Variants in SPAG1 observed in about 807,000 individuals in gnomAD.
SPAG1 encodes the protein sperm-associated antigen 1.
In SPAG1, 69 loss-of-function variants were observed where a neutral mutation model predicts 100.5. The ratio of observed to expected loss-of-function variants is 0.69; its 90% CI spans 0.57 to 0.84. SPAG1 has a LOEUF of 0.84. SPAG1 is among the 40% of genes least tolerant of loss of function. The pLI is 0.00. For missense variants in SPAG1, 955 were observed against 1,133.1 expected, an observed-to-expected ratio of 0.84 and a Z score of 2.26; for synonymous variants, 336 against 411.6, an observed-to-expected ratio of 0.82 and a Z score of 2.22.
At chr8:100,190,822 G>A (rs1307607514) in intron 8 of SPAG1, among the ~76,000 whole-genome samples, 1 of 151,626 alleles carries the variant, frequency 6.6e-6, no homozygotes, top group East Asian at 1.9e-4. Flanking sequence ...GTGCTACCAT[G>A]CCAAGCTAAT....
At chr8:100,238,370 G>A (rs767980429) in intron 16 of SPAG1, among the ~76,000 whole-genome samples, 1 of 152,218 alleles carries the variant, frequency 6.6e-6, no homozygotes, top group Non-Finnish European at 1.5e-5. Flanking sequence ...AGGCCCCCGG[G>A]AATGTCACAT....
chr8:100,239,346 A>G lies in SPAG1; in HGVS notation c.2222A>G (p.Lys741Arg). 8.8e-6 allele frequency: 14 copies of G among 1,596,628 alleles called. No individual in the cohort carries two copies. The highest frequency in any genetic ancestry group is 1.2e-5 in the Non-Finnish European group (14 of 1,169,652). ...LEEVTRLLNL[K>R]DKTAPFNKEK... ...GAGGTAACTAGACTCCTTAATCTTA[A>G]GGATAAGACAGCACCATTCAACAAA... The change falls in exon 17 of 19, where the codon AAG becomes AGG. Residue 741 changes from lysine to arginine, a missense_variant. Transcript: ENST00000388798. This position sits in a 1 kb window ranked among gnomAD's most constrained non-coding sequence, Gnocchi z 5.0.
rs1470457504 is a variant in SPAG1 at position 100,158,595 on chromosome 8, G to T, written c.-24G>T. 6.6e-6 allele frequency: 1 copy of T among 152,208 alleles called. No homozygotes were observed. Among genetic ancestry groups the T allele is most frequent in the Non-Finnish European group, 1.5e-5 (1 of 68,064 alleles). 9.4% of individuals were successfully genotyped at this position (152,208 alleles called of 1,614,324 possible). On this transcript the variant is annotated 5_prime_UTR_variant, in exon 1 of 19. Transcript: ENST00000388798. The stretch of plus-strand genomic sequence containing the variant: ...GAGACCCAGCTTTTCGCGTTAGTAG[G>T]CCCGAGCAGTTTGAACTGGAGGTAT...
chr8:100,237,269 C>T (rs10087331), intron 16 of SPAG1, among the ~76,000 whole-genome samples: 4,379 of 152,090 alleles, frequency 0.029, 198 homozygotes, highest in African/African-American at 0.095. Flanking sequence ...TTAGTAGAGA[C>T]GGGGTTTAGC....
Position 100,232,092 on chromosome 8 carries a change from G to A in SPAG1, c.1988+804G>A, listed in dbSNP as rs931235721. Among the ~76,000 whole-genome samples the A allele has an allele frequency of 3.9e-5, 6 of 152,162 alleles. No homozygotes were observed. In the East Asian group the frequency reaches 5.8e-4, roughly 15 times the overall value. On this transcript the variant is annotated intron_variant, in intron 15 of 18. Transcript: ENST00000388798. Reference sequence around the variant, plus strand: ...GTTGCTCAGGTACCGTCTTTACCACGTAGTAAAAGATACCTATATAGAATA... The same window carrying A: ...GTTGCTCAGGTACCGTCTTTACCACATAGTAAAAGATACCTATATAGAATA...
chr8:100,202,709 C>CAAAAAA (rs750153561), intron 10 of SPAG1, among the ~76,000 whole-genome samples: 23 of 27,454 alleles, frequency 8.4e-4, no homozygotes, highest in African/African-American at 2.3e-3. Flanking sequence ...GACTCCGTCT[C>CAAAAAA]AAAAAAAAAA....
At chr8:100,198,708 C>T (rs1270508949) in intron 10 of SPAG1, among the ~76,000 whole-genome samples, 1 of 152,184 alleles carries the variant, frequency 6.6e-6, no homozygotes, top group East Asian at 1.9e-4. Context: ...TGAAGTTGTA[C>T]AACTATCACC....
Position 100,213,225 on chromosome 8 carries a change from A to T in SPAG1, c.1232A>T (p.Glu411Val). 1 of 1,384,000 alleles carries T rather than the reference A, an allele frequency of 7.2e-7. No homozygotes were observed. Among genetic ancestry groups the T allele is most frequent in the African/African-American group, 1.5e-5 (1 of 65,490 alleles). 85.7% of individuals were successfully genotyped at this position (1,384,000 alleles called of 1,614,324 possible). A position where few individuals can be genotyped will look rare whatever the true frequency, so the allele number is the denominator to read the frequency against. Residue 411 changes from glutamate to valine, a missense_variant, in exon 11 of 19, where the codon GAG (glutamate) becomes GTG (valine). By Grantham distance (121) the Glu-to-Val change is moderately radical (BLOSUM62 -2). Coordinates refer to ENST00000388798, the MANE Select transcript of SPAG1 (RefSeq NM_003114.5). ...RGAPQRGQTPEAGADKRSPRR... is the reference protein window; with the variant it reads ...RGAPQRGQTPVAGADKRSPRR... ...GCGCCGCAGCGGGGCCAGACCCCGG[A>T]GGCCGGCGCGGACAAGCGGAGCCCA...
intron 15 of SPAG1, among the ~76,000 whole-genome samples, chr8:100,232,558 T>G (rs1242102096): frequency 6.6e-6 from 1 of 152,032 alleles, no homozygotes; most frequent in Non-Finnish European, 1.5e-5. Flanking sequence ...AAATCCCAAA[T>G]CCATCTTCAG....
At chr8:100,211,308 A>G (rs1664701105) in intron 10 of SPAG1, among the ~76,000 whole-genome samples, 1 of 152,132 alleles carries the variant, frequency 6.6e-6, no homozygotes, top group South Asian at 2.1e-4. Flanking sequence ...GAGACTATCA[A>G]AGTTGTTCAG....
At chr8:100,238,281 A>G (rs979507696) in intron 16 of SPAG1, among the ~76,000 whole-genome samples, 1 of 152,086 alleles carries the variant, frequency 6.6e-6, no homozygotes, top group African/African-American at 2.4e-5. Flanking sequence ...GAGCAGATTT[A>G]AGGTTATCCC....
chr8:100,224,997 A>G (rs560881815), intron 13 of SPAG1, among the ~76,000 whole-genome samples, 176 bp from the exon 14 acceptor site: 1 of 152,186 alleles, frequency 6.6e-6, no homozygotes, highest in Non-Finnish European at 1.5e-5. Context: ...ATTTATGACA[A>G]CTTGTAAATA....
At position 100,190,687 on chromosome 8, in the gene SPAG1, CAG is replaced by C. The variant is rs1211537247; in HGVS notation, c.833-700_833-699del. Among the ~76,000 whole-genome samples the C allele has an allele frequency of 7.8e-5, 9 of 114,774 alleles. No homozygotes were observed. The East Asian group carries it at 2.2e-3, about 28-fold the overall frequency. The allele number at this position is 114,774 out of a possible 152,430, so 75.3% of individuals were successfully genotyped here. On this transcript the variant is annotated intron_variant, in intron 8 of 18. Coordinates refer to ENST00000388798, the MANE Select transcript of SPAG1 (RefSeq NM_003114.5). ...TCTTTTTTTTTTTTTTTTTTGGAGA[CAG>C]AGTCTTGCTCTGTCACCCAGGCTGG...
At chr8:100,201,682 A>G (rs936092242) in intron 10 of SPAG1, among the ~76,000 whole-genome samples, 2 of 151,790 alleles carry the variant, frequency 1.3e-5, no homozygotes, top group Non-Finnish European at 2.9e-5. Context: ...ATCTCCTTTC[A>G]CCTTCCCCAA....
intron 3 of SPAG1, 149 bp from the exon 4 acceptor site, chr8:100,177,667 A>G: frequency 2.4e-6 from 1 of 421,324 alleles, no homozygotes; most frequent in African/African-American, 2.0e-5. Flanking sequence ...ATCTCCAAAA[A>G]TTTTTCCAAT....
intron 3 of SPAG1, among the ~76,000 whole-genome samples, chr8:100,172,059 T>G (rs1815882402): frequency 6.6e-6 from 1 of 152,112 alleles, no homozygotes; most frequent in South Asian, 2.1e-4. Flanking sequence ...CGCGCCCAGC[T>G]AATTTTTGCA....
chr8:100,170,246 T>C (rs1376888103), intron 3 of SPAG1, among the ~76,000 whole-genome samples: 2 of 152,208 alleles, frequency 1.3e-5, no homozygotes, highest in Non-Finnish European at 2.9e-5. Flanking sequence ...AGTATGTAGT[T>C]CTTGCATATT....
chr8:100,220,489 C>A, intron 13 of SPAG1, 58 bp downstream of exon 13: 1 of 1,410,656 alleles, frequency 7.1e-7, no homozygotes, highest in Non-Finnish European at 9.7e-7. Context: ...TTTTCCCTTC[C>A]CCTCCTTCAA....
intron 16 of SPAG1, among the ~76,000 whole-genome samples, chr8:100,235,311 G>T (rs1306482494): frequency 6.6e-6 from 1 of 152,146 alleles, no homozygotes; most frequent in Non-Finnish European, 1.5e-5. Flanking sequence ...TCCAAATATG[G>T]TTACATTTTG....
Sources: gnomAD v4.1 joint callset for allele counts (sites outside exome capture counted in the v4.1 genomes callset) on GRCh38, gnomAD v4.1.1 for gene constraint, Gnocchi (gnomAD v3.1) non-coding constraint, MANE v1.5 for transcripts, NCBI Gene and HGNC (gene_info 2026-07-23, HGNC 2026-07-21) for gene names.